Variants in SELENOF observed in about 807,000 individuals in gnomAD.
SELENOF encodes 15 kDa selenoprotein.
SELENOF carries 16 observed loss-of-function variants against 20.5 expected under a neutral mutation model. That is an observed-to-expected ratio of 0.78 (90% confidence interval 0.53 to 1.19). The LOEUF (loss-of-function observed/expected upper bound fraction) is 1.19, where lower values mean the gene tolerates loss of function less well. Among genes scored for constraint, SELENOF ranks in the 50% most tolerant of loss-of-function variants. The pLI is 0.00. For synonymous variants in SELENOF, 78 were observed against 74.5 expected (o/e 1.05, Z -0.24); for missense variants, 215 against 194.2 (o/e 1.11, Z -0.64).
intron 2 of SELENOF, among the ~76,000 whole-genome samples, chr1:86,881,756 T>C (rs1479435059): frequency 6.6e-6 from 1 of 152,178 alleles, no homozygotes; most frequent in Non-Finnish European, 1.5e-5. Context: ...ACAATGATTC[T>C]TAACAGTTTG....
upstream of SELENOF, chr1:86,914,323 C>T: frequency 1.7e-6 from 1 of 587,890 alleles, no homozygotes; most frequent in South Asian, 2.0e-5. Flanking sequence ...GCCTAAACTC[C>T]CCACTTCTTT....
chr1:86,906,058 C>CA (rs149718989), intron 1 of SELENOF, among the ~76,000 whole-genome samples: 3,724 of 152,270 alleles, frequency 0.024, 85 homozygotes, highest in Non-Finnish European at 0.031. Flanking sequence ...TACTTGTTGG[C>CA]ATATTCACCC....
chr1:86,884,928 T>C (rs868539268), intron 2 of SELENOF, among the ~76,000 whole-genome samples: 1 of 152,214 alleles, frequency 6.6e-6, no homozygotes, highest in African/African-American at 2.4e-5. Context: ...TCTATTTCCA[T>C]GTAACTTATG....
chr1:86,880,842 A>T, intron 2 of SELENOF, 117 bp from the exon 3 acceptor site: 1 of 610,584 alleles, frequency 1.6e-6, no homozygotes, highest in Non-Finnish European at 2.6e-6. Context: ...AGATCAAAGA[A>T]ATGTCAAAGC....
chr1:86,901,708 G>A (rs517277), intron 2 of SELENOF, among the ~76,000 whole-genome samples: 17,626 of 152,068 alleles, frequency 0.12, 1,641 homozygotes, highest in African/African-American at 0.25. Flanking sequence ...AATTGAATAG[G>A]AATATAATTA....
chr1:86,905,296 C>T (rs1280001139), intron 1 of SELENOF, among the ~76,000 whole-genome samples: 2 of 152,156 alleles, frequency 1.3e-5, no homozygotes, highest in East Asian at 1.9e-4. Flanking sequence ...TCCTCAATTC[C>T]TCCTGCTATA....
At chr1:86,912,001 AC>A (rs1237230473) in intron 1 of SELENOF, among the ~76,000 whole-genome samples, 5 of 152,074 alleles carry the variant, frequency 3.3e-5, no homozygotes, top group Admixed American at 6.6e-5. Flanking sequence ...TGAACTCCTG[AC>A]CTCAGGTGAT....
chr1:86,875,680 A>G (rs963362754), intron 3 of SELENOF, among the ~76,000 whole-genome samples: 16 of 152,366 alleles, frequency 1.1e-4, no homozygotes, highest in African/African-American at 3.6e-4. Context: ...TTTGAGTTCT[A>G]AAGACTTCTA....
At chr1:86,883,232 T>G (rs1310780034) in intron 2 of SELENOF, among the ~76,000 whole-genome samples, 1 of 151,664 alleles carries the variant, frequency 6.6e-6, no homozygotes, top group Admixed American at 6.6e-5. Flanking sequence ...AAAGGACAAA[T>G]GTTTAAATGA....
intron 2 of SELENOF, among the ~76,000 whole-genome samples, chr1:86,892,782 G>A (rs559220118): frequency 6.6e-6 from 1 of 152,282 alleles, no homozygotes; most frequent in East Asian, 1.9e-4. Flanking sequence ...AAAACACCAA[G>A]TGACAGGAGC....
intron 3 of SELENOF, among the ~76,000 whole-genome samples, chr1:86,873,104 T>A (rs1658826686): frequency 6.8e-6 from 1 of 147,396 alleles, no homozygotes; most frequent in Admixed American, 6.8e-5. Context: ...AAATAAAAAA[T>A]AAATTATCCA....
At chr1:86,886,265 T>C (rs28503445) in intron 2 of SELENOF, among the ~76,000 whole-genome samples, 3,558 of 152,260 alleles carry the variant, frequency 0.023, 71 homozygotes, top group African/African-American at 0.049. Flanking sequence ...ACTCAAATGA[T>C]TGTAATGGGC....
chr1:86,897,812 G>GA (rs1490176385), intron 2 of SELENOF, among the ~76,000 whole-genome samples: 1 of 152,196 alleles, frequency 6.6e-6, no homozygotes, highest in Non-Finnish European at 1.5e-5. Context: ...GAGGCTGCAA[G>GA]AGCCTGTCAG....
At chr1:86,888,652 AGTT>A (rs1438225377) in intron 2 of SELENOF, among the ~76,000 whole-genome samples, 1 of 152,202 alleles carries the variant, frequency 6.6e-6, no homozygotes, top group African/African-American at 2.4e-5. Context: ...TAAAAAGAAT[AGTT>A]ATGATCAACA....
chr1:86,911,879 G>T lies in SELENOF; in HGVS notation c.84+2149C>A, dbSNP rs184947377. ...GCTCAGTGCAACCTCCGCCTCCTGG[G>T]TTCAAGTGATTCTCCTGCCTCAGCC... is the stretch of plus-strand genomic sequence containing the variant. On this transcript the variant is annotated intron_variant, in intron 1 of 4. Coordinates refer to ENST00000331835, the MANE Select transcript of SELENOF (RefSeq NM_004261.5). 3.0e-4 allele frequency among the ~76,000 whole-genome samples: 45 copies of T among 151,926 alleles called. No individual in the cohort carries two copies. The East Asian group carries it at 8.7e-3, about 29-fold the overall frequency.
At position 86,874,051 on chromosome 1, in the gene SELENOF, T is replaced by TA. The variant is rs796174744; in HGVS notation, c.317-5950dup. On this transcript the variant is annotated intron_variant, in intron 3 of 4. Transcript: ENST00000331835. ...TTCTCAAATGTGTTCAATGAAAGCT[T>TA]AAAAAAAAAAAGACTAAAGAAATGG... Among the ~76,000 whole-genome samples the TA allele has an allele frequency of 2.0e-3, 291 of 144,256 alleles. 2 individuals are homozygous for TA. The highest frequency in any genetic ancestry group is 7.2e-3 in the Middle Eastern group (2 of 278). 94.6% of individuals were successfully genotyped at this position (144,256 alleles called of 152,430 possible). A position where few individuals can be genotyped will look rare whatever the true frequency, so the allele number is the denominator to read the frequency against.
intron 2 of SELENOF, among the ~76,000 whole-genome samples, chr1:86,898,756 T>A (rs986786264): frequency 1.4e-5 from 2 of 146,228 alleles, no homozygotes; most frequent in Admixed American, 6.7e-5. Context: ...TAATTTTTTG[T>A]ATTTTTTTTT....
chr1:86,866,190 A>G (rs900919106), intron 4 of SELENOF, among the ~76,000 whole-genome samples: 4 of 119,092 alleles, frequency 3.4e-5, no homozygotes, highest in African/African-American at 1.5e-4. Context: ...GAGTAAGACC[A>G]TGTCCAAAAA....
chr1:86,898,757 A>AT lies in SELENOF; in HGVS notation c.252+4523dup, dbSNP rs201958269. On this transcript the variant is annotated intron_variant, in intron 2 of 4. Transcript: ENST00000331835. ...CCACCACACCCAGCTAATTTTTTGT[A>AT]TTTTTTTTTTGTTTGTTTGTTTTTT... Among the ~76,000 whole-genome samples, 770 of 136,174 alleles carry AT rather than the reference A, an allele frequency of 5.7e-3. 5 individuals carry two copies. The highest frequency in any genetic ancestry group is 0.011 in the Non-Finnish European group (658 of 61,880). The allele number at this position is 136,174 out of a possible 152,430, so 89.3% of individuals were successfully genotyped here. A position where few individuals can be genotyped will look rare whatever the true frequency, so the allele number is the denominator to read the frequency against.
Sources: allele counts gnomAD v4.1 joint callset (sites outside exome capture counted in the v4.1 genomes callset), GRCh38; gene constraint gnomAD v4.1.1; transcripts MANE v1.5; gene names NCBI Gene and HGNC (gene_info 2026-07-23, HGNC 2026-07-21).